The following FAT3 variants were observed in gnomAD, a reference collection of about 807,000 sequenced individuals.
FAT3 encodes the protein FAT atypical cadherin 3.
Under a neutral mutation model 310.2 loss-of-function variants are expected in FAT3, and 95 were observed. The ratio of observed to expected loss-of-function variants is 0.31; its 90% CI spans 0.26 to 0.36. FAT3 has a LOEUF of 0.36. FAT3 is among the 10% of genes least tolerant of loss of function. The probability of loss-of-function intolerance (pLI) is 1.00; values close to 1 mark genes in which losing one functional copy is unlikely to be tolerated. For missense variants in FAT3, 5,408 were observed against 5,715.6 expected (o/e 0.95, Z 1.74); for synonymous variants, 2,314 against 2,192.9 (o/e 1.06, Z -1.54).
intron 2 of FAT3, among the ~76,000 whole-genome samples, chr11:92,515,091 T>A (rs1256604345): frequency 3.3e-5 from 5 of 152,086 alleles, no homozygotes; most frequent in Non-Finnish European, 7.4e-5. Context: ...TGATATAAAC[T>A]AGCCTACTGC....
chr11:92,847,427 G>T (rs1417008707), intron 19 of FAT3, among the ~76,000 whole-genome samples: 2 of 152,162 alleles, frequency 1.3e-5, no homozygotes, highest in East Asian at 3.9e-4. Context: ...TATGATGTTT[G>T]CACAATGACG....
At position 92,800,616 on chromosome 11, in the gene FAT3, A is replaced by G. The variant is rs944424317; in HGVS notation, c.7603A>G (p.Ile2535Val). 2.5e-6 allele frequency: 4 copies of G among 1,613,742 alleles called. No homozygotes were observed. The Admixed American group carries it at 6.7e-5, about 27-fold the overall frequency. Residue 2535 changes from isoleucine to valine, a missense_variant, in exon 10 of 28, where the codon ATC (isoleucine) becomes GTC (valine). Physicochemically the swap from Ile to Val is conservative, Grantham distance 29. Coordinates refer to ENST00000525166, the MANE Select transcript of FAT3 (RefSeq NM_001367949.2). ...PGTYGQISYA[I>V]INDFAKDRFL... The stretch of plus-strand genomic sequence containing the variant: ...GACTTATGGGCAGATCAGCTATGCC[A>G]TCATCAATGACTTTGCCAAGGATCG...
intron 1 of FAT3, among the ~76,000 whole-genome samples, chr11:92,349,457 C>T (rs2134618302): frequency 6.6e-6 from 1 of 152,346 alleles, no homozygotes; most frequent in Non-Finnish European, 1.5e-5. Context: ...TCCCATATTT[C>T]AGTTGACTGT....
intron 2 of FAT3, among the ~76,000 whole-genome samples, chr11:92,491,033 G>A (rs556452013): frequency 9.2e-5 from 14 of 152,014 alleles, no homozygotes; most frequent in African/African-American, 2.9e-4. Context: ...ACAGTTAGGG[G>A]CCTTGAGTTT....
intron 3 of FAT3, among the ~76,000 whole-genome samples, chr11:92,540,740 TTTTTGTTTTG>T (rs149679843): frequency 2.5e-4 from 35 of 137,564 alleles, no homozygotes; most frequent in East Asian, 9.7e-4. Flanking sequence ...CTATGGCATG[TTTTTGTTTTG>T]TTTTGTTTTG....
intron 13 of FAT3, among the ~76,000 whole-genome samples, chr11:92,812,641 T>A (rs534582258): frequency 3.3e-5 from 5 of 151,838 alleles, no homozygotes; most frequent in African/African-American, 7.2e-5. Flanking sequence ...TAGCTGTTAA[T>A]ATTTAAAAGT....
intron 19 of FAT3, 62 bp downstream of exon 19, chr11:92,844,794 C>A: frequency 7.1e-7 from 1 of 1,412,296 alleles, no homozygotes; most frequent in South Asian, 1.5e-5. Flanking sequence ...AATGAGTTAC[C>A]ATTCCAGCAT....
chr11:92,403,759 G>A (rs902117196), intron 2 of FAT3, among the ~76,000 whole-genome samples: 6 of 152,108 alleles, frequency 3.9e-5, no homozygotes, highest in African/African-American at 7.2e-5. Context: ...TATGGGGGCC[G>A]GGTGCAGTGG....
chr11:92,860,295 A>G (rs1385913355), intron 21 of FAT3, among the ~76,000 whole-genome samples: 1 of 152,228 alleles, frequency 6.6e-6, no homozygotes, highest in Non-Finnish European at 1.5e-5. Flanking sequence ...TTATTTACCC[A>G]AAGTTGCACA....
rs76057656 is a variant in FAT3 at position 92,364,672 on chromosome 11, A to G, written c.3292+9268A>G. Among the ~76,000 whole-genome samples the G allele has an allele frequency of 2.6e-3, 396 of 152,344 alleles. 13 individuals carry two copies. In the East Asian group the frequency reaches 0.068, roughly 26 times the overall value. ...ATGAAAGCATGTCTTATCGACAGACAGAATCTACAAAGAGTTGTGTGTAGG... is the reference window on the plus strand; with the variant it reads ...ATGAAAGCATGTCTTATCGACAGACGGAATCTACAAAGAGTTGTGTGTAGG... On this transcript the variant is annotated intron_variant, in intron 2 of 27. Transcript: ENST00000525166.
intron 24 of FAT3, among the ~76,000 whole-genome samples, chr11:92,886,565 A>G (rs1217943495): frequency 1.3e-5 from 2 of 152,210 alleles, no homozygotes; most frequent in Non-Finnish European, 2.9e-5. Context: ...ATAAATGTAA[A>G]GGCATTCTTG....
chr11:92,367,049 G>A (rs551821580), intron 2 of FAT3: 21 of 498,124 alleles, frequency 4.2e-5, no homozygotes, highest in African/African-American at 2.7e-4. Context: ...AGCACTGTCC[G>A]GACGGTCCAG....
intron 1 of FAT3, among the ~76,000 whole-genome samples, chr11:92,310,114 A>G (rs12804778): frequency 0.064 from 9,774 of 152,264 alleles, 402 homozygotes; most frequent in Non-Finnish European, 0.094. Context: ...TTCCTGGACT[A>G]GTAAAGAAAT....
At chr11:92,850,358 TGTGTATTCCTTTCTATA>T (rs1948793656) in intron 19 of FAT3, among the ~76,000 whole-genome samples, 1 of 152,208 alleles carries the variant, frequency 6.6e-6, no homozygotes, top group Non-Finnish European at 1.5e-5. Context: ...TCTCAGTGTA[TGTGTATTCCTTTCTATA>T]GTCCACCCAT....
intron 3 of FAT3, among the ~76,000 whole-genome samples, chr11:92,593,649 C>T (rs1939554245): frequency 6.6e-6 from 1 of 152,036 alleles, no homozygotes; most frequent in South Asian, 2.1e-4. Context: ...AGAAGGGTAA[C>T]TAACATAAAT....
chr11:92,608,121 A>G (rs1940389381), intron 3 of FAT3, among the ~76,000 whole-genome samples: 1 of 152,216 alleles, frequency 6.6e-6, no homozygotes, highest in Non-Finnish European at 1.5e-5. Flanking sequence ...TAAGATTATG[A>G]TACACGGATA....
intron 2 of FAT3, among the ~76,000 whole-genome samples, chr11:92,418,307 C>T (rs535598879): frequency 1.3e-5 from 2 of 151,830 alleles, no homozygotes; most frequent in Admixed American, 1.3e-4. Flanking sequence ...GTAATGGTCC[C>T]CTTAGACCTT....
chr11:92,618,826 T>A (rs61198089), intron 3 of FAT3, among the ~76,000 whole-genome samples: 5,400 of 151,436 alleles, frequency 0.036, 322 homozygotes, highest in African/African-American at 0.12. Flanking sequence ...CCAACTTGAT[T>A]TTTTTTTTCT....
chr11:92,364,031 G>T (rs1255056037), intron 2 of FAT3, among the ~76,000 whole-genome samples: 1 of 151,896 alleles, frequency 6.6e-6, no homozygotes, highest in African/African-American at 2.4e-5. Flanking sequence ...GAGGACTGTT[G>T]GTTCAAATCT....
Sources: allele counts gnomAD v4.1 joint callset (sites outside exome capture counted in the v4.1 genomes callset), GRCh38; gene constraint gnomAD v4.1.1; transcripts MANE v1.5; gene names NCBI Gene and HGNC (gene_info 2026-07-23, HGNC 2026-07-21).